EXT2: variants seen among roughly 807,000 people sequenced by gnomAD.
The protein encoded by EXT2 is exostosin glycosyltransferase 2.
In EXT2, 53 loss-of-function variants were observed where a neutral mutation model predicts 81.6. That is an observed-to-expected ratio of 0.65 (90% CI 0.52 to 0.82). The LOEUF (loss-of-function observed/expected upper bound fraction) is 0.82. EXT2 is among the 40% of genes least tolerant of loss of function. EXT2 has a pLI of 0.00. For missense variants in EXT2, 774 were observed against 910.2 expected (o/e 0.85, Z 1.93); for synonymous variants, 320 against 340.0 (o/e 0.94, Z 0.65).
intron 10 of EXT2, among the ~76,000 whole-genome samples, chr11:44,231,636 C>G (rs1032022372): frequency 2.6e-5 from 4 of 152,110 alleles, no homozygotes; most frequent in Non-Finnish European, 5.9e-5. Flanking sequence ...AGAAGAAGCA[C>G]CAAGACTAGC....
At chr11:44,108,294 G>A (rs1565196820) in intron 2 of EXT2, 46 bp downstream of exon 2, 1 of 1,588,840 alleles carries the variant, frequency 6.3e-7, no homozygotes, top group South Asian at 1.1e-5. Flanking sequence ...TACTTGAGTG[G>A]CCCTCAGGGA....
rs76108067 is a variant in EXT2, at chr11:44,164,781, C to T, written c.1174-6830C>T. ...TTGTTCAAGGTTATATTGGTGTGAC[C>T]TATTCACCTGTAACCTAACTCTTCA... On this transcript the variant is annotated intron_variant, in intron 7 of 13. Transcript: ENST00000533608. Among the ~76,000 whole-genome samples the T allele has an allele frequency of 8.2e-3, 1,248 of 152,102 alleles. 19 individuals are homozygous for T. The highest frequency in any genetic ancestry group is 0.028 in the African/African-American group (1,149 of 41,474).
chr11:44,206,469 A>C (rs910681210), intron 9 of EXT2, among the ~76,000 whole-genome samples: 1 of 152,158 alleles, frequency 6.6e-6, no homozygotes, highest in East Asian at 1.9e-4. Flanking sequence ...CTGCCTCTCA[A>C]TTGTGAATTG....
chr11:44,236,378 A>C lies in EXT2; in HGVS notation c.2018+3A>C. 1 of 1,613,730 alleles carries C rather than the reference A, an allele frequency of 6.2e-7. No individual in the cohort carries two copies. The highest frequency in any genetic ancestry group is 2.2e-5 in the East Asian group (1 of 44,870). ...GACCAAACACACATGGTGGAGAGGT[A>C]AGTGAGCCTCCAACCAAAAGTGCGC... On this transcript the variant is annotated splice_donor_region_variant and intron_variant, in intron 13 of 13. Transcript: ENST00000533608.
chr11:44,105,990 G>A (rs756022695), intron 1 of EXT2, among the ~76,000 whole-genome samples: 32 of 152,186 alleles, frequency 2.1e-4, no homozygotes, highest in Admixed American at 7.9e-4. Flanking sequence ...TGAGATCTCC[G>A]TGTCCACTGG....
chr11:44,096,414 G>T (rs1033135840), intron 1 of EXT2: 3 of 1,321,210 alleles, frequency 2.3e-6, no homozygotes, highest in Middle Eastern at 2.5e-4. Context: ...TAGATGGCCG[G>T]GGGCGTGTTA....
intron 10 of EXT2, among the ~76,000 whole-genome samples, chr11:44,227,329 C>A (rs917281818): frequency 7.9e-5 from 12 of 152,202 alleles, no homozygotes; most frequent in African/African-American, 2.9e-4. Context: ...GCAGCCCATG[C>A]TGTTTAGAAA....
In EXT2 at chr11:44,244,565, T is replaced by G; in HGVS notation, c.*278T>G. ...AAGACTTTGTGGCATGCTCCAGATT[T>G]AAATCCAGCTGAGGCTCCCTTTGTT... On this transcript the variant is annotated 3_prime_UTR_variant, in exon 14 of 14. Coordinates refer to ENST00000533608, the MANE Select transcript of EXT2 (RefSeq NM_207122.2). The G allele has an allele frequency of 8.5e-6, 4 of 469,552 alleles. No individual in the cohort carries two copies. The highest frequency in any genetic ancestry group is 1.6e-5 in the Non-Finnish European group (4 of 254,488). 29.1% of individuals were successfully genotyped at this position (469,552 alleles called of 1,614,324 possible). A position where few individuals can be genotyped will look rare whatever the true frequency, so the allele number is the denominator to read the frequency against.
chr11:44,227,656 A>G (rs989439276), intron 10 of EXT2, among the ~76,000 whole-genome samples: 1 of 152,212 alleles, frequency 6.6e-6, no homozygotes, highest in Non-Finnish European at 1.5e-5. Flanking sequence ...ATCTATAGTA[A>G]TGGGACACGA....
intron 7 of EXT2, among the ~76,000 whole-genome samples, chr11:44,153,956 A>G (rs1412739354): frequency 1.3e-5 from 2 of 151,052 alleles, no homozygotes; most frequent in Admixed American, 6.6e-5. Flanking sequence ...TTCTATTTTC[A>G]TGAGAGATAT....
intron 9 of EXT2, among the ~76,000 whole-genome samples, chr11:44,205,149 G>A (rs1036998237): frequency 6.6e-6 from 1 of 152,182 alleles, no homozygotes; most frequent in African/African-American, 2.4e-5. Context: ...TCTGAGCCAT[G>A]AAAATACTAG....
chr11:44,140,299 AG>A (rs1954628525), intron 7 of EXT2, among the ~76,000 whole-genome samples: 1 of 152,184 alleles, frequency 6.6e-6, no homozygotes, highest in Non-Finnish European at 1.5e-5. Flanking sequence ...TCGAATTTAA[AG>A]GGACTTTCAT....
At chr11:44,137,941 T>C (rs1463014519) in intron 7 of EXT2, among the ~76,000 whole-genome samples, 1 of 152,088 alleles carries the variant, frequency 6.6e-6, no homozygotes, top group East Asian at 1.9e-4. Flanking sequence ...CAGTAATACA[T>C]AAATTATAAG....
At chr11:44,221,339 G>A (rs117465122) in intron 10 of EXT2, among the ~76,000 whole-genome samples, 3,221 of 152,248 alleles carry the variant, frequency 0.021, 45 homozygotes, top group Middle Eastern at 0.051. Context: ...ACCTGGTTTC[G>A]TATCTCTGCT....
intron 7 of EXT2, among the ~76,000 whole-genome samples, chr11:44,160,887 CCTT>C (rs1340854652): frequency 6.6e-6 from 1 of 152,132 alleles, no homozygotes; most frequent in African/African-American, 2.4e-5. Flanking sequence ...TTTAGGGTTT[CCTT>C]CTTAGCCAAT....
At chr11:44,236,718 A>T (rs1955969690) in intron 13 of EXT2, among the ~76,000 whole-genome samples, 1 of 152,206 alleles carries the variant, frequency 6.6e-6, no homozygotes, top group Non-Finnish European at 1.5e-5. Context: ...TTTCAGGGTA[A>T]TAGCTCCACG....
At chr11:44,126,523 G>T (rs370410427) in intron 5 of EXT2, among the ~76,000 whole-genome samples, 60 of 152,338 alleles carry the variant, frequency 3.9e-4, no homozygotes, top group African/African-American at 1.2e-3. Context: ...AGGAAGTCAC[G>T]TTGTTAGCTG....
intron 1 of EXT2, among the ~76,000 whole-genome samples, chr11:44,097,428 G>A (rs1049957322): frequency 6.6e-5 from 10 of 152,128 alleles, no homozygotes; most frequent in African/African-American, 9.6e-5. Flanking sequence ...TCTGTTTTTC[G>A]GAATGGTTGG....
chr11:44,225,149 C>A (rs1955824848), intron 10 of EXT2, among the ~76,000 whole-genome samples: 1 of 152,180 alleles, frequency 6.6e-6, no homozygotes. Context: ...CTTCCTCCTC[C>A]TCCCATCCCC....
Sources: allele counts gnomAD v4.1 joint callset (sites outside exome capture counted in the v4.1 genomes callset), GRCh38; gene constraint gnomAD v4.1.1; transcripts MANE v1.5; gene names NCBI Gene and HGNC (gene_info 2026-07-23, HGNC 2026-07-21).